The following ZCCHC24 variants were observed in gnomAD, a reference collection of about 807,000 sequenced individuals.
The protein encoded by ZCCHC24 is zinc finger CCHC domain-containing protein 24.
ZCCHC24 carries 10 observed loss-of-function variants against 26.2 expected under a neutral mutation model. The ratio of observed to expected loss-of-function variants is 0.38; its 90% CI spans 0.24 to 0.65. The LOEUF is 0.65. ZCCHC24 is among the 30% of genes least tolerant of loss of function. The pLI, the probability that ZCCHC24 is intolerant of heterozygous loss-of-function variation, is 0.54. For synonymous variants in ZCCHC24, 144 were observed against 147.1 expected, an observed-to-expected ratio of 0.98 and a Z score of 0.15; for missense variants, 243 against 329.1, an observed-to-expected ratio of 0.74 and a Z score of 2.03.
chr10:79,425,574 G>A (rs1028804663), intron 2 of ZCCHC24, among the ~76,000 whole-genome samples: 2 of 152,220 alleles, frequency 1.3e-5, no homozygotes, highest in African/African-American at 2.4e-5. Flanking sequence ...CTGGAATCAG[G>A]AGCACCTGAG....
chr10:79,406,731 T>C (rs950679900), intron 2 of ZCCHC24, among the ~76,000 whole-genome samples: 2 of 152,140 alleles, frequency 1.3e-5, no homozygotes, highest in Non-Finnish European at 2.9e-5. Context: ...TTGCCTGAGG[T>C]CACACAGGCA....
At chr10:79,413,816 G>T (rs965566800) in intron 2 of ZCCHC24, among the ~76,000 whole-genome samples, 5 of 151,876 alleles carry the variant, frequency 3.3e-5, no homozygotes, top group African/African-American at 1.2e-4. Flanking sequence ...TTAGGGAGGT[G>T]CTTCGGATGT....
At chr10:79,439,568 A>G (rs974634603) in intron 1 of ZCCHC24, among the ~76,000 whole-genome samples, 3 of 152,174 alleles carry the variant, frequency 2.0e-5, no homozygotes, top group African/African-American at 7.2e-5. Context: ...GGTGCTGACA[A>G]TCTAACTACT....
At chr10:79,429,278 G>A (rs758405200) in intron 2 of ZCCHC24, among the ~76,000 whole-genome samples, 12 of 152,166 alleles carry the variant, frequency 7.9e-5, no homozygotes, top group Non-Finnish European at 1.6e-4. Context: ...GCGAGGGGAT[G>A]GATGATCAAG....
Position 79,432,602 on chromosome 10 carries a change from G to A in ZCCHC24, c.403C>T (p.His135Tyr). The change falls in exon 2 of 4, where the codon CAC becomes TAC. Residue 135 changes from histidine to tyrosine, a missense_variant. His to Tyr is a moderately conservative substitution (Grantham distance 83). This residue lies in a region of ZCCHC24 where 96 missense variants were observed against 178.3 expected (regional missense o/e 0.54). Transcript: ENST00000372336. ...SKRPPPNYLC[H>Y]LCFNKGHYIK... ...TAGTGTCCTTTGTTGAAGCACAGGTGGCACAGGTAGTTGGGTGGGGGCCGC... is the reference window on the plus strand; with the variant it reads ...TAGTGTCCTTTGTTGAAGCACAGGTAGCACAGGTAGTTGGGTGGGGGCCGC... 1 of 1,608,032 alleles carries A rather than the reference G, an allele frequency of 6.2e-7. No homozygotes were observed. Among genetic ancestry groups the A allele is most frequent in the South Asian group, 1.1e-5 (1 of 90,442 alleles).
intron 1 of ZCCHC24, among the ~76,000 whole-genome samples, chr10:79,435,300 G>A (rs1857201069): frequency 6.6e-6 from 1 of 151,970 alleles, no homozygotes; most frequent in Non-Finnish European, 1.5e-5. Flanking sequence ...TCAAGAGGAA[G>A]GGGAAGTTTG....
chr10:79,394,438 T>C lies in ZCCHC24; in HGVS notation c.450A>G (p.Ala150=), dbSNP rs1856518004. 6 of 1,613,662 alleles carry C rather than the reference T, an allele frequency of 3.7e-6. No individual in the cohort carries two copies. Among genetic ancestry groups the C allele is most frequent in the Non-Finnish European group, 3.4e-6 (4 of 1,179,666 alleles). ...GAGTCAGGCCCTCGCCTTTGGGGCG[T>C]GCCTACAGGGCAGGAAGCAAACACA... ...KGHYIKDCPQ[A]RPKGEGLTPY... is the part of the protein sequence containing the mutation. Residue 150 remains alanine (A), a splice_region_variant and synonymous_variant, in exon 3 of 4, where the codon GCA becomes GCG. Transcript: ENST00000372336.
At chr10:79,436,858 C>A (rs371102143) in intron 1 of ZCCHC24, among the ~76,000 whole-genome samples, 1 of 152,218 alleles carries the variant, frequency 6.6e-6, no homozygotes, top group Non-Finnish European at 1.5e-5. Context: ...AGGCCCAGAT[C>A]ACCAGGCTTA....
In ZCCHC24 at chr10:79,445,610, C is replaced by G; in HGVS notation, c.-170G>C. ...TGCCCGCAGCCGCTGCCGCTGCCGC[C>G]GCCTCCCCCCGACTGCGGCCCCGGC... On this transcript the variant is annotated 5_prime_UTR_variant, in exon 1 of 4. Transcript: ENST00000372336. 2.3e-6 allele frequency: 1 copy of G among 435,902 alleles called. No individual in the cohort carries two copies. The highest frequency in any genetic ancestry group is 3.1e-6 in the Non-Finnish European group (1 of 325,968). 27.0% of individuals were successfully genotyped at this position (435,902 alleles called of 1,614,324 possible).
At chr10:79,425,121 GC>G (rs1857008221) in intron 2 of ZCCHC24, among the ~76,000 whole-genome samples, 1 of 152,182 alleles carries the variant, frequency 6.6e-6, no homozygotes, top group African/African-American at 2.4e-5. Flanking sequence ...ACTGCGCCAG[GC>G]CCCCACCACA....
chr10:79,390,795 G>A (rs754064036), intron 3 of ZCCHC24, among the ~76,000 whole-genome samples: 6 of 152,204 alleles, frequency 3.9e-5, no homozygotes, highest in Admixed American at 2.6e-4. Context: ...GCTGGAGGCC[G>A]ACAGGAAGCA....
chr10:79,395,720 T>C (rs546311741), intron 2 of ZCCHC24, among the ~76,000 whole-genome samples: 1 of 152,348 alleles, frequency 6.6e-6, no homozygotes, highest in African/African-American at 2.4e-5. Context: ...GTTCATACTT[T>C]TTGTGATTCT....
At chr10:79,418,765 G>A (rs1383940798) in intron 2 of ZCCHC24, among the ~76,000 whole-genome samples, 2 of 152,212 alleles carry the variant, frequency 1.3e-5, no homozygotes, top group East Asian at 1.9e-4. Context: ...GGGGAAAGAT[G>A]AGAAACCTGG....
intron 1 of ZCCHC24, 53 bp downstream of exon 1, chr10:79,445,142 G>GGTGGGGCC: frequency 8.0e-7 from 1 of 1,249,496 alleles, no homozygotes; most frequent in Non-Finnish European, 1.0e-6. Context: ...GGCCCGCCAC[G>GGTGGGGCC]GTGGGGCGGT....
chr10:79,430,570 C>T (rs1330465879), intron 2 of ZCCHC24, among the ~76,000 whole-genome samples: 3 of 152,046 alleles, frequency 2.0e-5, no homozygotes, highest in African/African-American at 4.8e-5. Flanking sequence ...GAAGATCCCA[C>T]GTTAGCACTG....
chr10:79,417,618 G>A (rs547366394), intron 2 of ZCCHC24, among the ~76,000 whole-genome samples: 38 of 152,202 alleles, frequency 2.5e-4, no homozygotes, highest in Non-Finnish European at 5.0e-4. Context: ...AAAGAAAAGA[G>A]GAAGAAAGGA....
chr10:79,433,995 T>A (rs1327662624), intron 1 of ZCCHC24, among the ~76,000 whole-genome samples: 1 of 152,224 alleles, frequency 6.6e-6, no homozygotes, highest in African/African-American at 2.4e-5. Context: ...GCCACCCAAC[T>A]GTATCCATCT....
At chr10:79,422,076 CAT>C (rs778940087) in intron 2 of ZCCHC24, among the ~76,000 whole-genome samples, 10 of 152,186 alleles carry the variant, frequency 6.6e-5, no homozygotes, top group Non-Finnish European at 1.3e-4. Context: ...TGCTCCCTAA[CAT>C]GTGAGGTGGA....
At chr10:79,440,252 A>C (rs1383135130) in intron 1 of ZCCHC24, among the ~76,000 whole-genome samples, 1 of 152,202 alleles carries the variant, frequency 6.6e-6, no homozygotes, top group Non-Finnish European at 1.5e-5. Context: ...TGCTGCACAC[A>C]GACTAGGATA....
Sources: allele counts gnomAD v4.1 joint callset (sites outside exome capture counted in the v4.1 genomes callset), GRCh38; gene constraint gnomAD v4.1.1; regional missense constraint gnomAD v4.1.1; transcripts MANE v1.5; gene names NCBI Gene and HGNC (gene_info 2026-07-23, HGNC 2026-07-21).